The following NDFIP1 variants were observed in gnomAD, a reference collection of about 807,000 sequenced individuals.
NDFIP1 encodes the protein NEDD4 family-interacting protein 1.
NDFIP1 carries 7 observed loss-of-function variants against 28.8 expected under a neutral mutation model. The observed-to-expected ratio is 0.24, with a 90% CI of 0.14 to 0.46. The LOEUF (loss-of-function observed/expected upper bound fraction) is 0.46. Among genes scored for constraint, NDFIP1 ranks in the 20% least tolerant of loss-of-function variants. The probability of loss-of-function intolerance (pLI) is 0.99; values close to 1 mark genes in which losing one functional copy is unlikely to be tolerated. For missense variants in NDFIP1, 194 were observed against 269.1 expected, an observed-to-expected ratio of 0.72 and a Z score of 1.95; for synonymous variants, 92 against 101.0, an observed-to-expected ratio of 0.91 and a Z score of 0.53.
chr5:142,147,240 C>A (rs1165894877), intron 7 of NDFIP1, among the ~76,000 whole-genome samples: 3 of 152,030 alleles, frequency 2.0e-5, no homozygotes, highest in Non-Finnish European at 4.4e-5. Context: ...TCCAGGGATC[C>A]CCAGAGGGAA....
At chr5:142,135,936 TGGTG>T in intron 4 of NDFIP1, 119 bp downstream of exon 4, 1 of 634,120 alleles carries the variant, frequency 1.6e-6, no homozygotes, top group East Asian at 2.8e-5. Flanking sequence ...TATGTTTATT[TGGTG>T]CCTTTTACTG....
intron 3 of NDFIP1, 126 bp from the exon 4 acceptor site, chr5:142,135,604 C>A: frequency 1.4e-6 from 1 of 691,190 alleles, no homozygotes; most frequent in Non-Finnish European, 2.5e-6. Context: ...CACATTGAGC[C>A]TTTAATGCTC....
chr5:142,109,452 T>C (rs1756988002), intron 1 of NDFIP1, among the ~76,000 whole-genome samples: 1 of 152,244 alleles, frequency 6.6e-6, no homozygotes, highest in Non-Finnish European at 1.5e-5. Context: ...TTAAAATCTC[T>C]GCTGCTGCCG....
At chr5:142,130,833 A>C (rs1462286289) in intron 1 of NDFIP1, among the ~76,000 whole-genome samples, 1 of 152,204 alleles carries the variant, frequency 6.6e-6, no homozygotes, top group Non-Finnish European at 1.5e-5. Flanking sequence ...GTCTCATTCT[A>C]GGCCTCCTTT....
chr5:142,112,513 T>G (rs1757025037), intron 1 of NDFIP1, among the ~76,000 whole-genome samples: 1 of 140,454 alleles, frequency 7.1e-6, no homozygotes. Context: ...TACTCCAGGT[T>G]GGGTGAGCAA....
At chr5:142,147,867 A>G (rs1232865567) in intron 7 of NDFIP1, among the ~76,000 whole-genome samples, 1 of 152,244 alleles carries the variant, frequency 6.6e-6, no homozygotes, top group Non-Finnish European at 1.5e-5. Flanking sequence ...ACCTGAAGCC[A>G]TCAAAAGGAT....
At chr5:142,151,468 G>A (rs1757445789) in intron 7 of NDFIP1, among the ~76,000 whole-genome samples, 1 of 152,148 alleles carries the variant, frequency 6.6e-6, no homozygotes, top group Non-Finnish European at 1.5e-5. Flanking sequence ...TTTGTTAAGA[G>A]GTTTGGAAAG....
At chr5:142,109,299 G>C (rs1400237963) in intron 1 of NDFIP1, among the ~76,000 whole-genome samples, 1 of 152,230 alleles carries the variant, frequency 6.6e-6, no homozygotes, top group Non-Finnish European at 1.5e-5. Context: ...CCCAGGGCGG[G>C]CGGGTCCCTG....
chr5:142,134,340 T>C (rs767292386), intron 3 of NDFIP1, among the ~76,000 whole-genome samples: 65 of 152,360 alleles, frequency 4.3e-4, no homozygotes, highest in Middle Eastern at 3.4e-3. Flanking sequence ...GAGTATATCT[T>C]TGAATAGTTA....
At chr5:142,129,879 C>T (rs572020058) in intron 1 of NDFIP1, among the ~76,000 whole-genome samples, 49 of 148,314 alleles carry the variant, frequency 3.3e-4, no homozygotes, top group African/African-American at 1.2e-3. Context: ...CCATTGCTCT[C>T]CAGCCTGGGC....
chr5:142,129,162 G>A (rs945779474), intron 1 of NDFIP1, among the ~76,000 whole-genome samples: 5 of 152,182 alleles, frequency 3.3e-5, no homozygotes, highest in African/African-American at 7.2e-5. Context: ...GAACATATTC[G>A]AAAAGTCTGT....
At chr5:142,136,108 G>A (rs979346590) in intron 4 of NDFIP1, among the ~76,000 whole-genome samples, 25 of 152,056 alleles carry the variant, frequency 1.6e-4, no homozygotes, top group African/African-American at 4.3e-4. Flanking sequence ...GCCCTTTTGC[G>A]TTGCTTCTAC....
chr5:142,132,089 G>T (rs1757233655), intron 2 of NDFIP1, 123 bp from the exon 3 acceptor site: 3 of 1,193,334 alleles, frequency 2.5e-6, no homozygotes, highest in Admixed American at 2.9e-5. Flanking sequence ...AATGTCTTTT[G>T]GTTCAATTGT....
At chr5:142,122,371 A>G (rs1016321674) in intron 1 of NDFIP1, among the ~76,000 whole-genome samples, 5 of 152,234 alleles carry the variant, frequency 3.3e-5, no homozygotes, top group African/African-American at 9.6e-5. Context: ...CTGCTGTCTC[A>G]TTATGTGAAA....
intron 1 of NDFIP1, among the ~76,000 whole-genome samples, chr5:142,124,740 A>G (rs1308162713): frequency 1.3e-5 from 2 of 152,068 alleles, no homozygotes; most frequent in Non-Finnish European, 1.5e-5. Context: ...TATCTTTTCC[A>G]TGGGAGATAT....
chr5:142,112,298 T>G (rs1757022163), intron 1 of NDFIP1, among the ~76,000 whole-genome samples: 1 of 149,716 alleles, frequency 6.7e-6, no homozygotes, highest in Non-Finnish European at 1.5e-5. Context: ...GGCAGGAGAA[T>G]CGCTTGAACC....
At chr5:142,147,433 C>G (rs545617723) in intron 7 of NDFIP1, among the ~76,000 whole-genome samples, 38 of 152,252 alleles carry the variant, frequency 2.5e-4, no homozygotes, top group African/African-American at 8.7e-4. Flanking sequence ...TTTTTTTCCT[C>G]CCTATCGATT....
At chr5:142,116,347 C>T (rs199664622) in intron 1 of NDFIP1, among the ~76,000 whole-genome samples, 48 of 52,336 alleles carry the variant, frequency 9.2e-4, no homozygotes, top group East Asian at 5.7e-3. Context: ...TCCTTCCTTC[C>T]TTCTTTCTCT....
chr5:142,136,351 A>T (rs1430575216), intron 4 of NDFIP1, among the ~76,000 whole-genome samples: 1 of 152,236 alleles, frequency 6.6e-6, no homozygotes, highest in East Asian at 1.9e-4. Context: ...GTCAAAATTC[A>T]GAGAACAGGA....
Sources: gnomAD v4.1 joint callset for allele counts (sites outside exome capture counted in the v4.1 genomes callset) on GRCh38, gnomAD v4.1.1 for gene constraint, MANE v1.5 for transcripts, NCBI Gene and HGNC (gene_info 2026-07-23, HGNC 2026-07-21) for gene names.